GBF1: variants seen among roughly 807,000 people sequenced by gnomAD.
GBF1 encodes the protein golgi brefeldin A resistant guanine nucleotide exchange factor 1, also known as Golgi-specific brefeldin A-resistance guanine nucleotide exchange factor 1.
GBF1 carries 114 observed loss-of-function variants against 210.5 expected under a neutral mutation model. The observed-to-expected ratio is 0.54, with a 90% CI of 0.47 to 0.63. The LOEUF (loss-of-function observed/expected upper bound fraction) is 0.63. Among genes scored for constraint, GBF1 ranks in the 30% least tolerant of loss-of-function variants. The pLI is 0.00. For synonymous variants in GBF1, 850 were observed against 889.2 expected, an observed-to-expected ratio of 0.96 and a Z score of 0.78; for missense variants, 1,851 against 2,357.7, an observed-to-expected ratio of 0.79 and a Z score of 4.45.
intron 3 of GBF1, among the ~76,000 whole-genome samples, chr10:102,318,293 T>C (rs2056025795): frequency 6.6e-6 from 1 of 151,944 alleles, no homozygotes. Flanking sequence ...CTCAAGTGAT[T>C]CTCCTGCCTT....
At chr10:102,261,278 A>G (rs899713656) in intron 3 of GBF1, among the ~76,000 whole-genome samples, 2 of 149,714 alleles carry the variant, frequency 1.3e-5, no homozygotes, top group Non-Finnish European at 3.0e-5. Context: ...GTATATATAT[A>G]CACACACACA....
intron 3 of GBF1, among the ~76,000 whole-genome samples, chr10:102,312,699 C>T (rs72845661): frequency 0.019 from 2,930 of 152,274 alleles, 45 homozygotes; most frequent in Middle Eastern, 0.061. Context: ...GTAGAAACAA[C>T]TGTTTGTTTT....
intron 39 of GBF1, 89 bp downstream of exon 39, chr10:102,381,344 G>T: frequency 2.1e-6 from 3 of 1,395,960 alleles, no homozygotes; most frequent in Non-Finnish European, 3.0e-6. Context: ...ATGCTGCTGA[G>T]CAGGGTCTGT....
At position 102,375,345 on chromosome 10, in the gene GBF1, T is replaced by TA; in HGVS notation, c.3661-12dup. 6.5e-7 allele frequency: 1 copy of TA among 1,537,294 alleles called. No homozygotes were observed. The highest frequency in any genetic ancestry group is 9.0e-7 in the Non-Finnish European group (1 of 1,110,292). On this transcript the variant is annotated splice_polypyrimidine_tract_variant and intron_variant, in intron 29 of 39. Transcript: ENST00000369983. ...CTCCCCGCTTCCCCGCTCCCTGCCC[T>TA]AACCCCACTCCAGGTGCTGCTCTCC...
intron 3 of GBF1, among the ~76,000 whole-genome samples, chr10:102,291,730 T>TG (rs1200893179): frequency 6.6e-6 from 1 of 152,132 alleles, no homozygotes; most frequent in Non-Finnish European, 1.5e-5. Flanking sequence ...CCCTTTGCCG[T>TG]GGCACCATGC....
intron 3 of GBF1, among the ~76,000 whole-genome samples, chr10:102,325,103 G>A (rs923841088): frequency 3.9e-5 from 6 of 152,098 alleles, no homozygotes; most frequent in Non-Finnish European, 5.9e-5. Flanking sequence ...TGCCATGTTG[G>A]GTGTTTGCCA....
At chr10:102,241,237 G>A (rs1029624003), upstream of GBF1, 2 of 152,974 alleles carry the variant, frequency 1.3e-5, no homozygotes, top group Non-Finnish European at 2.9e-5. This position sits in a 1 kb window ranked among gnomAD's most constrained non-coding sequence, Gnocchi z 6.7. Context: ...AGGCACCGGA[G>A]TTCAGCTGCC....
At chr10:102,259,671 G>A (rs2072936226) in intron 2 of GBF1, among the ~76,000 whole-genome samples, 2 of 152,124 alleles carry the variant, frequency 1.3e-5, no homozygotes, top group South Asian at 4.1e-4. Context: ...TCATAAAAAT[G>A]TATTGATTTA....
intron 39 of GBF1, 75 bp downstream of exon 39, chr10:102,381,330 G>A (rs543825586): frequency 1.5e-4 from 230 of 1,493,376 alleles, no homozygotes; most frequent in Middle Eastern, 8.8e-4. Context: ...AAGGGGGCGT[G>A]GGAATGCTGC....
upstream of GBF1, among the ~76,000 whole-genome samples, chr10:102,242,412 C>G (rs193228468): frequency 6.6e-6 from 1 of 152,224 alleles, no homozygotes; most frequent in African/African-American, 2.4e-5. Context: ...TGCTCTCCCT[C>G]CTTCAGCAGG....
intron 29 of GBF1, among the ~76,000 whole-genome samples, chr10:102,373,709 A>T (rs2060338240): frequency 6.6e-6 from 1 of 152,156 alleles, no homozygotes; most frequent in Admixed American, 6.5e-5. Context: ...TGGTACAGCT[A>T]CTCTGCTGGC....
chr10:102,328,567 G>A (rs1052822280), intron 3 of GBF1, among the ~76,000 whole-genome samples: 2 of 152,120 alleles, frequency 1.3e-5, no homozygotes, highest in African/African-American at 2.4e-5. Flanking sequence ...ACTATTTCCA[G>A]CTCTTGGGAA....
At chr10:102,287,344 CTTTTTTTTTTTTTTTT>C (rs763880492) in intron 3 of GBF1, among the ~76,000 whole-genome samples, 2 of 69,524 alleles carry the variant, frequency 2.9e-5, no homozygotes, top group Non-Finnish European at 5.0e-5. Flanking sequence ...ATTTTATTTT[CTTTTTTTTTTTTTTTT>C]TTTTTTTTTT....
chr10:102,354,574 T>A (rs2059184018), intron 8 of GBF1, among the ~76,000 whole-genome samples: 2 of 152,056 alleles, frequency 1.3e-5, no homozygotes, highest in African/African-American at 4.8e-5. Flanking sequence ...AACTTACTCC[T>A]CCCTAGTAAC....
intron 3 of GBF1, among the ~76,000 whole-genome samples, chr10:102,320,888 T>TA (rs1436634842): frequency 1.3e-5 from 2 of 151,912 alleles, no homozygotes; most frequent in Non-Finnish European, 2.9e-5. Flanking sequence ...CTCCACCTCC[T>TA]AGATTCAAGT....
At chr10:102,360,982 A>AAAAT in intron 12 of GBF1, 40 bp from the exon 13 acceptor site, 1 of 1,119,816 alleles carries the variant, frequency 8.9e-7, no homozygotes, top group South Asian at 1.3e-5. Context: ...CTCAAAAAAA[A>AAAAT]AAAAAAAAAA....
At chr10:102,356,599 A>C (rs1265343034) in intron 8 of GBF1, among the ~76,000 whole-genome samples, 2 of 152,102 alleles carry the variant, frequency 1.3e-5, no homozygotes, top group Non-Finnish European at 2.9e-5. Flanking sequence ...CCCCGTCTCT[A>C]CTAAAAATAC....
At position 102,370,848 on chromosome 10, in the gene GBF1, G is replaced by T; in HGVS notation, c.3648G>T (p.Glu1216Asp). Reference protein sequence around the residue: ...RLAIRLLRREEISAQVLLSLR... With the variant: ...RLAIRLLRREDISAQVLLSLR... ...CCATTCGGCTTCTCCGGAGAGAAGA[G>T]ATCAGTGCTCAGGTAAGCAGAATGC... The change falls in exon 29 of 40, where the codon GAG (glutamate) becomes GAT (aspartate). Residue 1216 changes from glutamate (E) to aspartate (D), a missense_variant. Around this residue, in one of 3 missense-constraint regions of GBF1, gnomAD observed 967 missense variants for 1,247.7 expected, o/e 0.78. Coordinates refer to ENST00000369983, the MANE Select transcript of GBF1 (RefSeq NM_001377137.1). The T allele has an allele frequency of 6.2e-7, 1 of 1,614,134 alleles. No homozygotes were observed. Among genetic ancestry groups the T allele is most frequent in the Non-Finnish European group, 8.5e-7 (1 of 1,179,970 alleles).
chr10:102,352,769 TTGTGTC>T lies in GBF1; in HGVS notation c.584+255_584+260del, dbSNP rs541284647. Reference sequence around the variant, plus strand: ...GCAGACCTCATTCTGCTTCCCAAATTTGTGTCTGTTTCTGTGCAGGTAGCAGCTGGG... The same window carrying T: ...GCAGACCTCATTCTGCTTCCCAAATTTGTTTCTGTGCAGGTAGCAGCTGGG... On this transcript the variant is annotated intron_variant, in intron 7 of 39. Transcript: ENST00000369983. Among the ~76,000 whole-genome samples, 41 of 152,254 alleles carry T rather than the reference TTGTGTC, an allele frequency of 2.7e-4. No individual in the cohort carries two copies. The East Asian group carries it at 7.7e-3, about 29-fold the overall frequency.
Sources: allele counts gnomAD v4.1 joint callset (sites outside exome capture counted in the v4.1 genomes callset), GRCh38; gene constraint gnomAD v4.1.1; regional missense constraint gnomAD v4.1.1; non-coding constraint Gnocchi (gnomAD v3.1); transcripts MANE v1.5; gene names NCBI Gene and HGNC (gene_info 2026-07-23, HGNC 2026-07-21).